The following BPIFB3 variants were observed in gnomAD, a reference collection of about 807,000 sequenced individuals.
The protein encoded by BPIFB3 is BPI fold containing family B member 3, also known as BPI fold-containing family B member 3.
Under a neutral mutation model 53.1 loss-of-function variants are expected in BPIFB3, and 49 were observed. The ratio of observed to expected loss-of-function variants is 0.92; its 90% CI spans 0.73 to 1.17. The LOEUF (loss-of-function observed/expected upper bound fraction) is 1.17. Among genes scored for constraint, BPIFB3 ranks in the 50% most tolerant of loss-of-function variants. BPIFB3 has a pLI of 0.00. For synonymous variants in BPIFB3, 271 were observed against 269.6 expected, an observed-to-expected ratio of 1.01 and a Z score of -0.05; for missense variants, 628 against 592.5, an observed-to-expected ratio of 1.06 and a Z score of -0.62.
chr20:33,071,563 G>C (rs1328772890), intron 12 of BPIFB3, among the ~76,000 whole-genome samples: 2 of 152,146 alleles, frequency 1.3e-5, no homozygotes, highest in African/African-American at 4.8e-5. Flanking sequence ...ACCTCACAAA[G>C]TTGTGGACAT....
At chr20:33,064,987 G>A (rs993146651) in intron 8 of BPIFB3, 142 bp downstream of exon 9, 30 of 899,270 alleles carry the variant, frequency 3.3e-5, no homozygotes, top group Non-Finnish European at 4.6e-5. Context: ...TTTAGAGTGT[G>A]TACACTGCTG....
chr20:33,071,253 G>T (rs747436928), exon 12 of BPIFB3: 1 of 1,563,950 alleles, frequency 6.4e-7, no homozygotes, highest in Non-Finnish European at 8.7e-7. Flanking sequence ...TCTCCACCAG[G>T]CTCAGTGTCA....
In BPIFB3 at chr20:33,059,566, C is replaced by A. The variant is rs748039257; in HGVS notation, c.386+84C>A. The A allele has an allele frequency of 4.3e-4, 421 of 982,990 alleles. 1 individual carries two copies. Among genetic ancestry groups the A allele is most frequent in the Non-Finnish European group, 6.0e-4 (382 of 636,144 alleles). The allele number at this position is 982,990 out of a possible 1,614,324, so 60.9% of individuals were successfully genotyped here. A position where few individuals can be genotyped will look rare whatever the true frequency, so the allele number is the denominator to read the frequency against. ...GGAGACTCCTACTCTGCTGTCCCCC[C>A]ACTCCCACCCCTCTGTATCCCCCAT... On this transcript the variant is annotated intron_variant, in intron 3 of 14. Transcript: ENST00000375494.
chr20:33,064,497 T>C (rs774994226), exon 7 of BPIFB3: 2 of 1,614,110 alleles, frequency 1.2e-6, no homozygotes, highest in Non-Finnish European at 1.7e-6. Flanking sequence ...TGGAATTCTC[T>C]CTGGCCACAT....
chr20:33,056,396 T>C (rs951340868), intron 1 of BPIFB3, 146 bp from the exon 3 acceptor site: 2 of 1,094,164 alleles, frequency 1.8e-6, no homozygotes, highest in African/African-American at 1.6e-5. Flanking sequence ...TATGGCTTAG[T>C]GGGTTCCACC....
In BPIFB3 at chr20:33,059,903, CCTT is replaced by C. The variant is rs753277152; in HGVS notation, c.402_404del (p.Leu135del). 5.9e-5 allele frequency: 95 copies of C among 1,613,736 alleles called. No homozygotes were observed. In the African/African-American group the frequency reaches 1.1e-3, roughly 19 times the overall value. On this transcript the variant is annotated inframe_deletion, in exon 4 of 15. Coordinates refer to ENST00000375494, the Ensembl canonical transcript of BPIFB3. ...TCCTTTCTTGCAGCCCCCTTGGTGG[CCTT>C]CTGCAGCTGGCTGCGGAGGTGAACG...
At chr20:33,058,625 C>T (rs968788362) in intron 2 of BPIFB3, among the ~76,000 whole-genome samples, 1 of 151,962 alleles carries the variant, frequency 6.6e-6, no homozygotes, top group Non-Finnish European at 1.5e-5. Context: ...AATCCGCTTT[C>T]TTGGTGAGGC....
At chr20:33,067,262 G>A (rs1568995624) in intron 9 of BPIFB3, among the ~76,000 whole-genome samples, 2 of 152,228 alleles carry the variant, frequency 1.3e-5, no homozygotes, top group African/African-American at 2.4e-5. Context: ...AGAAAAGGGA[G>A]AGTGTCAGGT....
At chr20:33,065,105 G>A (rs1980618773) in intron 8 of BPIFB3, among the ~76,000 whole-genome samples, 1 of 152,194 alleles carries the variant, frequency 6.6e-6, no homozygotes, top group African/African-American at 2.4e-5. Flanking sequence ...ACTCCAGGAG[G>A]TCACTTTCAA....
At chr20:33,071,543 C>T (rs963344223) in intron 12 of BPIFB3, among the ~76,000 whole-genome samples, 3 of 152,090 alleles carry the variant, frequency 2.0e-5, no homozygotes, top group Non-Finnish European at 2.9e-5. Flanking sequence ...TGATCTTCCA[C>T]GGTCTTGGAA....
At chr20:33,060,920 T>C (rs1980428918) in intron 4 of BPIFB3, among the ~76,000 whole-genome samples, 1 of 152,156 alleles carries the variant, frequency 6.6e-6, no homozygotes, top group Non-Finnish European at 1.5e-5. Flanking sequence ...TTGCCTAGGA[T>C]CACACGCACA....
At chr20:33,066,085 G>T (rs1005758264) in intron 8 of BPIFB3, among the ~76,000 whole-genome samples, 17 of 152,198 alleles carry the variant, frequency 1.1e-4, no homozygotes, top group African/African-American at 3.9e-4. Context: ...GGTGCTGCAT[G>T]TATGCTTATC....
At chr20:33,060,342 G>A (rs1980402083) in intron 4 of BPIFB3, among the ~76,000 whole-genome samples, 1 of 152,152 alleles carries the variant, frequency 6.6e-6, no homozygotes, top group Non-Finnish European at 1.5e-5. Flanking sequence ...TCCATTTGCG[G>A]GATTTCAGCC....
At chr20:33,060,692 C>T (rs1175601159) in intron 4 of BPIFB3, among the ~76,000 whole-genome samples, 1 of 152,180 alleles carries the variant, frequency 6.6e-6, no homozygotes, top group Non-Finnish European at 1.5e-5. Context: ...GCCTCAGCCT[C>T]CCAAGTAGCT....
chr20:33,061,404 G>A (rs1362876913), intron 4 of BPIFB3, among the ~76,000 whole-genome samples: 1 of 151,968 alleles, frequency 6.6e-6, no homozygotes, highest in Non-Finnish European at 1.5e-5. Context: ...CCCCACTCTG[G>A]GGGCTCAATA....
intron 4 of BPIFB3, among the ~76,000 whole-genome samples, chr20:33,061,130 A>G (rs1211626469): frequency 6.6e-6 from 1 of 152,168 alleles, no homozygotes; most frequent in African/African-American, 2.4e-5. Flanking sequence ...GTTCTGTGTT[A>G]GCTCCCAGGA....
At chr20:33,066,954 A>C in intron 9 of BPIFB3, 77 bp downstream of exon 10, 3 of 1,467,570 alleles carry the variant, frequency 2.0e-6, no homozygotes, top group Non-Finnish European at 2.9e-6. Context: ...AATCTTTCTC[A>C]ATACAGCTCT....
At chr20:33,064,611 G>A (rs1050655784) in intron 7 of BPIFB3, 55 bp from the exon 9 acceptor site, 62 of 1,613,074 alleles carry the variant, frequency 3.8e-5, no homozygotes, top group Non-Finnish European at 4.8e-5. Context: ...GCCGGATCAA[G>A]GCAGGTGGGT....
At chr20:33,073,717 T>C, downstream of BPIFB3, 2 of 1,312,226 alleles carry the variant, frequency 1.5e-6, no homozygotes, top group Non-Finnish European at 2.2e-6. Context: ...AAAAATGCCC[T>C]CTGGCCCTGA....
Sources: allele counts gnomAD v4.1 joint callset (sites outside exome capture counted in the v4.1 genomes callset), GRCh38; gene constraint gnomAD v4.1.1; transcripts MANE v1.5; gene names NCBI Gene and HGNC (gene_info 2026-07-23, HGNC 2026-07-21).